Variants in PCDHGB5 observed in about 807,000 individuals in gnomAD.
PCDHGB5 encodes protocadherin gamma-B5.
Under a neutral mutation model 62.9 loss-of-function variants are expected in PCDHGB5, and 48 were observed. The observed-to-expected ratio is 0.76, with a 90% confidence interval of 0.61 to 0.97. PCDHGB5 has a LOEUF of 0.97. PCDHGB5 is among the 50% of genes least tolerant of loss of function. The probability of loss-of-function intolerance (pLI) is 0.00; values close to 1 mark genes in which losing one functional copy is unlikely to be tolerated. For synonymous variants in PCDHGB5, 474 were observed against 511.2 expected (o/e 0.93, Z 0.98); for missense variants, 1,118 against 1,198.6 (o/e 0.93, Z 0.99).
At chr5:141,408,600 T>C (rs761951478) in intron 1 of PCDHGB5, 7 of 1,613,998 alleles carry the variant, frequency 4.3e-6, no homozygotes, top group Non-Finnish European at 4.2e-6. Flanking sequence ...GCCCCTCAAT[T>C]TGATAAAAAG....
rs370032689 is a variant in PCDHGB5 at position 141,415,343 on chromosome 5, G to A, written c.2397+14819G>A. 84 of 1,614,112 alleles carry A rather than the reference G, an allele frequency of 5.2e-5. No homozygotes were observed. The African/African-American group carries it at 1.0e-3, about 20-fold the overall frequency. On this transcript the variant is annotated intron_variant, in intron 1 of 3. Transcript: ENST00000617380. The stretch of plus-strand genomic sequence containing the variant: ...CTGCTGGCGCACAGGCTGCGGCGCT[G>A]GCACAAGTCACGCCTGCTGCAGGCT...
chr5:141,434,768 T>C (rs6580188), intron 1 of PCDHGB5, among the ~76,000 whole-genome samples: 81,499 of 151,296 alleles, frequency 0.54, 23,977 homozygotes, highest in African/African-American at 0.79. Context: ...CACTTCACAC[T>C]TCTAAAAAAA....
intron 2 of PCDHGB5, among the ~76,000 whole-genome samples, chr5:141,502,866 C>CTTTTTTT (rs549047197): frequency 0.02 from 2,590 of 127,990 alleles, 216 homozygotes; most frequent in African/African-American, 0.075. Flanking sequence ...GACTCTCTGT[C>CTTTTTTT]TTTTTTTTTT....
rs762662380 is a variant in PCDHGB5, at chr5:141,419,561, G to A, written c.2397+19037G>A. 9 of 1,611,728 alleles carry A rather than the reference G, an allele frequency of 5.6e-6. No individual in the cohort carries two copies. The Admixed American group carries it at 1.2e-4, about 21-fold the overall frequency. The stretch of plus-strand genomic sequence containing the variant: ...ACCGCGGGTGCTGTACCCTGCGCTG[G>A]GTCCCGACGGCTCCGCGCTCTTCGA... On this transcript the variant is annotated intron_variant, in intron 1 of 3. Coordinates refer to ENST00000617380, the MANE Select transcript of PCDHGB5 (RefSeq NM_018925.3).
intron 1 of PCDHGB5, among the ~76,000 whole-genome samples, chr5:141,406,616 T>C (rs1226509680): frequency 1.3e-5 from 2 of 152,242 alleles, no homozygotes; most frequent in Non-Finnish European, 2.9e-5. Flanking sequence ...ACATCTTTTA[T>C]TCTCATATCT....
rs1001717368 is a variant in PCDHGB5 at position 141,405,559 on chromosome 5, G to A, written c.2397+5035G>A. ...CTCAGCCTCCCAAGTAGAGTAGCTG[G>A]GACTAGAGTAGAGTAGCTGGGACTA... On this transcript the variant is annotated intron_variant, in intron 1 of 3. Transcript: ENST00000617380. 1.8e-5 allele frequency: 11 copies of A among 614,566 alleles called. No individual in the cohort carries two copies. In the Admixed American group the frequency reaches 2.9e-4, roughly 16 times the overall value. The allele number at this position is 614,566 out of a possible 1,614,324, so 38.1% of individuals were successfully genotyped here.
At chr5:141,443,448 T>C (rs1205977008) in intron 1 of PCDHGB5, among the ~76,000 whole-genome samples, 1 of 152,210 alleles carries the variant, frequency 6.6e-6, no homozygotes, top group African/African-American at 2.4e-5. Context: ...GTTGCGCTCC[T>C]GTACTCCAGT....
At position 141,410,109 on chromosome 5, in the gene PCDHGB5, A is replaced by T. The variant is rs771550139; in HGVS notation, c.2397+9585A>T. On this transcript the variant is annotated intron_variant, in intron 1 of 3. Transcript: ENST00000617380. ...ACGGCTCGAGCCTTAGGCGACAGGG[A>T]CGCAGCCCGCCAGCGCCTGCTGGTC... is the stretch of plus-strand genomic sequence containing the variant. 9.9e-6 allele frequency: 16 copies of T among 1,612,380 alleles called. 1 individual carries two copies. The South Asian group carries it at 1.6e-4, about 17-fold the overall frequency.
At chr5:141,417,982 G>A (rs756382601) in intron 1 of PCDHGB5, 4 of 1,613,886 alleles carry the variant, frequency 2.5e-6, no homozygotes, top group Admixed American at 3.3e-5. Flanking sequence ...CGGAGGAGCT[G>A]GCCAAGGGCT....
chr5:141,433,328 G>C, intron 1 of PCDHGB5: 1 of 724,580 alleles, frequency 1.4e-6, no homozygotes, highest in Non-Finnish European at 2.3e-6. Context: ...GGTGTAACAG[G>C]GACTACAGGT....
At chr5:141,478,766 T>C in intron 1 of PCDHGB5, 2 of 1,505,456 alleles carry the variant, frequency 1.3e-6, no homozygotes, top group Non-Finnish European at 1.8e-6. Flanking sequence ...GATACTTGAC[T>C]CATCTGTGGA....
At chr5:141,469,314 C>A (rs982242861) in intron 1 of PCDHGB5, among the ~76,000 whole-genome samples, 1 of 151,982 alleles carries the variant, frequency 6.6e-6, no homozygotes, top group Non-Finnish European at 1.5e-5. Flanking sequence ...CGATGGCTCA[C>A]GCCTGTAATC....
chr5:141,420,089 A>G lies in PCDHGB5; in HGVS notation c.2397+19565A>G. On this transcript the variant is annotated intron_variant, in intron 1 of 3. Transcript: ENST00000617380. The stretch of plus-strand genomic sequence containing the variant: ...CGGACCTGTGGGTCCCCCCAACTAC[A>G]GTGAGGGAACGTTGCCCTATGCCTA... 2.5e-6 allele frequency: 4 copies of G among 1,613,986 alleles called. No individual in the cohort carries two copies. Among genetic ancestry groups the G allele is most frequent in the Middle Eastern group, 1.6e-4 (1 of 6,062 alleles).
In PCDHGB5 at chr5:141,486,671, C is replaced by A. The variant is rs1307620045; in HGVS notation, c.2398-8136C>A. On this transcript the variant is annotated intron_variant, in intron 1 of 3. Coordinates refer to ENST00000617380, the MANE Select transcript of PCDHGB5 (RefSeq NM_018925.3). The surrounding 1 kb of genome is among the most constrained non-coding windows in gnomAD (Gnocchi z 5.0). The stretch of plus-strand genomic sequence containing the variant: ...CTACTCACTCCTGGAGCCCAGGAAT[C>A]GAGATGTATCAGCTTCCTCTTTCAT... 1.9e-6 allele frequency: 3 copies of A among 1,614,044 alleles called. No individual in the cohort carries two copies. The highest frequency in any genetic ancestry group is 2.5e-6 in the Non-Finnish European group (3 of 1,180,014).
In PCDHGB5 at chr5:141,432,250, A is replaced by G. The variant is rs777728825; in HGVS notation, c.2397+31726A>G. 2 of 1,614,234 alleles carry G rather than the reference A, an allele frequency of 1.2e-6. No homozygotes were observed. Among genetic ancestry groups the G allele is most frequent in the Admixed American group, 1.7e-5 (1 of 60,026 alleles). ...ATTCCCTGGCTGAGAACACCATCCA[A>G]GGGGCAAGCCTATCGTCCTACGTGT... On this transcript the variant is annotated intron_variant, in intron 1 of 3. Transcript: ENST00000617380. The surrounding 1 kb of genome is among the most constrained non-coding windows in gnomAD (Gnocchi z 6.0).
chr5:141,463,438 CTTTTTTTTTT>C (rs71576115), intron 1 of PCDHGB5, among the ~76,000 whole-genome samples: 6 of 103,254 alleles, frequency 5.8e-5, no homozygotes, highest in Non-Finnish European at 9.4e-5. Flanking sequence ...TTTCCTTCTC[CTTTTTTTTTT>C]TTTTTTTTTT....
intron 1 of PCDHGB5, among the ~76,000 whole-genome samples, chr5:141,455,423 CA>C (rs2098822271): frequency 6.6e-6 from 1 of 152,040 alleles, no homozygotes; most frequent in Non-Finnish European, 1.5e-5. Flanking sequence ...AGCGGGGCTC[CA>C]AAAGAGGAGG....
chr5:141,510,633 TACCA>T (rs2099882032), intron 3 of PCDHGB5, among the ~76,000 whole-genome samples: 1 of 152,110 alleles, frequency 6.6e-6, no homozygotes, highest in Admixed American at 6.6e-5. Flanking sequence ...AAGAGGTGGT[TACCA>T]TTATCATCCC....
At chr5:141,430,179 A>G (rs2097264770) in intron 1 of PCDHGB5, among the ~76,000 whole-genome samples, 1 of 152,158 alleles carries the variant, frequency 6.6e-6, no homozygotes, top group Admixed American at 6.5e-5. Flanking sequence ...ATTTTCCCCA[A>G]ATTATAGCTG....
Sources: gnomAD v4.1 joint callset for allele counts (sites outside exome capture counted in the v4.1 genomes callset) on GRCh38, gnomAD v4.1.1 for gene constraint, Gnocchi (gnomAD v3.1) non-coding constraint, MANE v1.5 for transcripts, NCBI Gene and HGNC (gene_info 2026-07-23, HGNC 2026-07-21) for gene names.